Variants in CD84 observed in about 807,000 individuals in gnomAD.
CD84 encodes CD84 molecule.
CD84 carries 22 observed loss-of-function variants against 33.8 expected under a neutral mutation model. That is an observed-to-expected ratio of 0.65 (90% CI 0.46 to 0.93). The LOEUF (loss-of-function observed/expected upper bound fraction) is 0.93, where lower values mean the gene tolerates loss of function less well. Among genes scored for constraint, CD84 ranks in the 40% least tolerant of loss-of-function variants. The pLI, the probability that CD84 is intolerant of heterozygous loss-of-function variation, is 0.00. For missense variants in CD84, 400 were observed against 397.6 expected, an observed-to-expected ratio of 1.01 and a Z score of -0.05; for synonymous variants, 154 against 145.2, an observed-to-expected ratio of 1.06 and a Z score of -0.44.
chr1:160,572,382 G>A (rs935931117), intron 1 of CD84, among the ~76,000 whole-genome samples: 1 of 152,154 alleles, frequency 6.6e-6, no homozygotes, highest in African/African-American at 2.4e-5. Flanking sequence ...CAGACTAAAG[G>A]TGCAGATTTT....
chr1:160,570,717 C>T (rs1473278071), intron 1 of CD84, among the ~76,000 whole-genome samples: 1 of 152,000 alleles, frequency 6.6e-6, no homozygotes, highest in African/African-American at 2.4e-5. Context: ...CAAAATATAC[C>T]TGGGCATGAT....
chr1:160,569,243 C>A (rs1298183136), intron 1 of CD84, among the ~76,000 whole-genome samples: 1 of 152,034 alleles, frequency 6.6e-6, no homozygotes, highest in Non-Finnish European at 1.5e-5. Context: ...TTTCAGGTAC[C>A]CTGGATAGAC....
intron 4 of CD84, among the ~76,000 whole-genome samples, chr1:160,551,959 A>G (rs1656259829): frequency 6.6e-6 from 1 of 152,242 alleles, no homozygotes; most frequent in Admixed American, 6.5e-5. Flanking sequence ...TGTATAGGCT[A>G]GAAGAGACAT....
intron 2 of CD84, among the ~76,000 whole-genome samples, chr1:160,562,079 G>A (rs894771407): frequency 6.6e-6 from 1 of 152,136 alleles, no homozygotes; most frequent in Admixed American, 6.6e-5. Flanking sequence ...AATCAGAGAG[G>A]ACACAAATAA....
intron 2 of CD84, among the ~76,000 whole-genome samples, chr1:160,554,763 T>C (rs916504387): frequency 1.2e-4 from 18 of 152,216 alleles, no homozygotes; most frequent in African/African-American, 4.3e-4. Flanking sequence ...TCAACCGATG[T>C]TTGTGTTGGA....
At chr1:160,564,142 C>A (rs895944687) in intron 2 of CD84, among the ~76,000 whole-genome samples, 4 of 152,070 alleles carry the variant, frequency 2.6e-5, no homozygotes, top group Non-Finnish European at 4.4e-5. Context: ...TGAATTGTGG[C>A]AATTATAATG....
intron 4 of CD84, 109 bp downstream of exon 4, chr1:160,553,269 G>T: frequency 6.3e-7 from 1 of 1,579,600 alleles, no homozygotes; most frequent in African/African-American, 1.3e-5. Flanking sequence ...TCGGAAAAAG[G>T]CAGATTCCCT....
Position 160,546,203 on chromosome 1 carries a change from ATC to A in CD84, c.*2051_*2052del, listed in dbSNP as rs1655821807. 1 of 141,642 alleles carries A rather than the reference ATC, an allele frequency of 7.1e-6. No homozygotes were observed. Among genetic ancestry groups the A allele is most frequent in the African/African-American group, 2.7e-5 (1 of 37,658 alleles). 8.8% of individuals were successfully genotyped at this position (141,642 alleles called of 1,614,324 possible). ...GGGTTTCACCATGTTGGCCAGACTAATCTCGAACTCCTGACCTCAGGTGATCC... is the reference window on the plus strand; with the variant it reads ...GGGTTTCACCATGTTGGCCAGACTAATCGAACTCCTGACCTCAGGTGATCC... On this transcript the variant is annotated 3_prime_UTR_variant, in exon 7 of 7. Transcript: ENST00000368054.
chr1:160,560,757 T>C (rs1187393295), intron 2 of CD84, among the ~76,000 whole-genome samples: 1 of 151,484 alleles, frequency 6.6e-6, no homozygotes, highest in East Asian at 1.9e-4. Context: ...GCTAGACTAG[T>C]AAAGAAGAAA....
chr1:160,573,592 A>G (rs1366790792), intron 1 of CD84, among the ~76,000 whole-genome samples: 1 of 152,110 alleles, frequency 6.6e-6, no homozygotes, highest in East Asian at 1.9e-4. Flanking sequence ...CACTTTGTTC[A>G]GGGTTTTCTC....
intron 2 of CD84, among the ~76,000 whole-genome samples, chr1:160,557,004 A>G (rs537512653): frequency 6.6e-6 from 1 of 152,280 alleles, no homozygotes; most frequent in African/African-American, 2.4e-5. Context: ...TTCATCTAGG[A>G]AGTCCTTCAT....
rs751005120 is a variant in CD84 at position 160,543,150 on chromosome 1, C to T, written c.*5106G>A. 1.2e-4 allele frequency: 19 copies of T among 152,110 alleles called. No individual in the cohort carries two copies. Among genetic ancestry groups the T allele is most frequent in the South Asian group, 4.1e-4 (2 of 4,830 alleles). 9.4% of individuals were successfully genotyped at this position (152,110 alleles called of 1,614,324 possible). A position where few individuals can be genotyped will look rare whatever the true frequency, so the allele number is the denominator to read the frequency against. On this transcript the variant is annotated 3_prime_UTR_variant, in exon 7 of 7. Transcript: ENST00000368054. ...TTCAGCAGGAAAGTTGAGTGGTTAT[C>T]CAGATAGCAATGGAATTAATATATT... is the stretch of plus-strand genomic sequence containing the variant.
At chr1:160,564,516 T>A (rs1176957812) in intron 2 of CD84, among the ~76,000 whole-genome samples, 1 of 152,226 alleles carries the variant, frequency 6.6e-6, no homozygotes, top group African/African-American at 2.4e-5. Flanking sequence ...AACTAAAATG[T>A]TCCTCAAGAG....
chr1:160,562,445 C>T (rs976033554), intron 2 of CD84, among the ~76,000 whole-genome samples: 4 of 151,968 alleles, frequency 2.6e-5, no homozygotes, highest in South Asian at 4.2e-4. Flanking sequence ...ATCAGATTTT[C>T]GACAAACCTG....
chr1:160,567,294 G>T (rs1049363174), intron 1 of CD84, among the ~76,000 whole-genome samples: 1 of 152,194 alleles, frequency 6.6e-6, no homozygotes, highest in African/African-American at 2.4e-5. Context: ...TGATGGTGTT[G>T]TCTCACTATG....
intron 1 of CD84, among the ~76,000 whole-genome samples, chr1:160,570,384 G>C (rs1657615112): frequency 6.6e-6 from 1 of 152,148 alleles, no homozygotes; most frequent in African/African-American, 2.4e-5. Flanking sequence ...TCTGCTAGCT[G>C]TTTTCCAATA....
chr1:160,565,541 C>T lies in CD84; in HGVS notation c.251G>A (p.Arg84Gln), dbSNP rs201663416. The T allele has an allele frequency of 6.0e-5, 97 of 1,613,810 alleles. No individual in the cohort carries two copies. The highest frequency in any genetic ancestry group is 4.4e-5 in the South Asian group (4 of 91,076). The part of the protein sequence containing the change: ...VTVTHRNYYE[R>Q]IHALGPNYNL... ...GTAGTTCGGACCTAAGGCATGTATC[C>T]GTTCATAATAATTTCTGTGGGTCAC... The change falls in exon 2 of 7, where the codon CGG (arginine) becomes CAG (glutamine). Residue 84 changes from arginine to glutamine, a missense_variant. By Grantham distance (43) the Arg-to-Gln change is conservative (BLOSUM62 1). Coordinates refer to ENST00000368054, the MANE Select transcript of CD84 (RefSeq NM_003874.4).
chr1:160,569,502 G>C (rs1310239570), intron 1 of CD84, among the ~76,000 whole-genome samples: 1 of 146,442 alleles, frequency 6.8e-6, no homozygotes, highest in East Asian at 2.0e-4. Flanking sequence ...TTGATACCCG[G>C]TTAGGGAAAT....
chr1:160,552,835 T>G (rs112718395), intron 4 of CD84: 1 of 852,536 alleles, frequency 1.2e-6, no homozygotes, highest in Admixed American at 2.0e-5. Flanking sequence ...TGGGTGGACA[T>G]GGGATGTGGG....
Sources: gnomAD v4.1 joint callset for allele counts (sites outside exome capture counted in the v4.1 genomes callset) on GRCh38, gnomAD v4.1.1 for gene constraint, MANE v1.5 for transcripts, NCBI Gene and HGNC (gene_info 2026-07-23, HGNC 2026-07-21) for gene names.